The following BLTP1 variants were observed in gnomAD, a reference collection of about 807,000 sequenced individuals.
BLTP1 encodes the protein fragile site-associated protein.
chr4:122,331,632 CA>C, the BLTP1 span: 19 of 1,467,476 alleles, frequency 1.3e-5, no homozygotes, highest in Non-Finnish European at 1.7e-5. Flanking sequence ...TTCTCCATCC[CA>C]AAATGCAGAT....
the BLTP1 span, chr4:122,257,180 A>G: frequency 7.2e-7 from 1 of 1,397,950 alleles, no homozygotes; most frequent in Non-Finnish European, 9.9e-7. Context: ...ATTTGAATAA[A>G]TACATGCAAA....
chr4:122,181,584 A>G, the BLTP1 span, among the ~76,000 whole-genome samples: 1 of 151,938 alleles, frequency 6.6e-6, no homozygotes, highest in Non-Finnish European at 1.5e-5. Flanking sequence ...TTTTTATATT[A>G]TATATAATGA....
chr4:122,240,450 C>A, the BLTP1 span: 1 of 1,045,048 alleles, frequency 9.6e-7, no homozygotes, highest in South Asian at 1.6e-5. Context: ...TTTTTAGCTA[C>A]CTTTCTGAGA....
At chr4:122,174,203 A>G in the BLTP1 span, 1 of 985,332 alleles carries the variant, frequency 1.0e-6, no homozygotes, top group South Asian at 4.7e-5. Context: ...ATCGTCTTCC[A>G]TTAATTTGAG....
the BLTP1 span, chr4:122,246,763 A>G: frequency 5.0e-6 from 8 of 1,613,094 alleles, no homozygotes; most frequent in Non-Finnish European, 6.8e-6. Flanking sequence ...ATGTTTCCCT[A>G]GTGGCATTGT....
the BLTP1 span, chr4:122,346,713 G>A: frequency 1.2e-6 from 2 of 1,613,308 alleles, no homozygotes; most frequent in Non-Finnish European, 1.7e-6. Flanking sequence ...TATAGAAGAA[G>A]TATTGCAAGA....
chr4:122,321,610 CT>C, the BLTP1 span, among the ~76,000 whole-genome samples: 1 of 152,042 alleles, frequency 6.6e-6, no homozygotes, highest in African/African-American at 2.4e-5. Context: ...TTTGAACAAA[CT>C]TACCTGTTAG....
chr4:122,170,483 C>T, the BLTP1 span: 1 of 1,298,242 alleles, frequency 7.7e-7, no homozygotes, highest in Non-Finnish European at 9.9e-7. Flanking sequence ...TTTTTGCATT[C>T]TCATCATTGA....
the BLTP1 span, chr4:122,254,959 T>A: frequency 6.3e-7 from 1 of 1,592,396 alleles, no homozygotes; most frequent in East Asian, 2.2e-5. Context: ...ATTAGAGGTA[T>A]GTCTTTAAAT....
the BLTP1 span, chr4:122,336,800 T>G: frequency 7.1e-7 from 1 of 1,408,798 alleles, no homozygotes. Flanking sequence ...TTCATCTCAC[T>G]CTAGTATAAA....
the BLTP1 span, among the ~76,000 whole-genome samples, chr4:122,358,884 C>T: frequency 1.3e-5 from 2 of 152,034 alleles, no homozygotes; most frequent in Non-Finnish European, 2.9e-5. Context: ...TTGCAGATTA[C>T]ACTTTATATA....
chr4:122,349,453 A>G, the BLTP1 span: 7 of 1,578,568 alleles, frequency 4.4e-6, no homozygotes, highest in South Asian at 1.2e-5. The surrounding 1 kb of genome is among the most constrained non-coding windows in gnomAD (Gnocchi z 4.5). Flanking sequence ...ATTTTAGCTC[A>G]TATTTCTGAA....
the BLTP1 span, chr4:122,247,244 C>T: frequency 1.2e-6 from 2 of 1,613,448 alleles, no homozygotes; most frequent in South Asian, 1.1e-5. Context: ...AAGATGCAGC[C>T]TCAGTCATCT....
the BLTP1 span, chr4:122,301,066 A>G: frequency 3.2e-6 from 3 of 930,110 alleles, no homozygotes; most frequent in East Asian, 2.3e-4. Flanking sequence ...GTTTTGGTTC[A>G]ATAATATATA....
the BLTP1 span, among the ~76,000 whole-genome samples, chr4:122,178,434 C>T: frequency 6.6e-6 from 1 of 152,156 alleles, no homozygotes; most frequent in Non-Finnish European, 1.5e-5. Flanking sequence ...GATGCATAAA[C>T]AAACGGTGAC....
chr4:122,175,777 C>T, the BLTP1 span: 3 of 1,045,558 alleles, frequency 2.9e-6, no homozygotes, highest in Non-Finnish European at 4.4e-6. Context: ...AATTGGCTTC[C>T]TTTTGGAATA....
At chr4:122,331,066 A>G in the BLTP1 span, 1 of 968,036 alleles carries the variant, frequency 1.0e-6, no homozygotes, top group Non-Finnish European at 1.2e-6. Flanking sequence ...TACACAGTAT[A>G]TTTTATATAC....
chr4:122,301,881 G>A, the BLTP1 span, among the ~76,000 whole-genome samples: 4 of 152,056 alleles, frequency 2.6e-5, no homozygotes, highest in Non-Finnish European at 5.9e-5. Flanking sequence ...TGGCAACATA[G>A]CGAGACTTTG....
At chr4:122,170,639 A>C in the BLTP1 span, 1 of 1,554,674 alleles carries the variant, frequency 6.4e-7, no homozygotes, top group Non-Finnish European at 8.7e-7. Flanking sequence ...TTCTGGAAAA[A>C]CTTTAGTAAT....
Sources: gnomAD v4.1 joint callset for allele counts (sites outside exome capture counted in the v4.1 genomes callset) on GRCh38, gnomAD v4.1.1 for gene constraint, Gnocchi (gnomAD v3.1) non-coding constraint, MANE v1.5 for transcripts, NCBI Gene and HGNC (gene_info 2026-07-23, HGNC 2026-07-21) for gene names.